The following RBFOX3 variants were observed in gnomAD, a reference collection of about 807,000 sequenced individuals.
RBFOX3 encodes RNA binding fox-1 homolog 3.
Under a neutral mutation model 48.7 loss-of-function variants are expected in RBFOX3, and 17 were observed. The ratio of observed to expected loss-of-function variants is 0.35; its 90% confidence interval spans 0.24 to 0.52. The LOEUF is 0.52. Ranked by LOEUF, RBFOX3 falls within the 20% of genes least tolerant of loss-of-function variation. The pLI is 0.94. For synonymous variants in RBFOX3, 212 were observed against 209.5 expected, an observed-to-expected ratio of 1.01 and a Z score of -0.10; for missense variants, 382 against 497.5, an observed-to-expected ratio of 0.77 and a Z score of 2.21.
the RBFOX3 span, among the ~76,000 whole-genome samples, chr17:79,663,950 C>G: frequency 6.6e-6 from 1 of 152,078 alleles, no homozygotes; most frequent in Non-Finnish European, 1.5e-5. Context: ...AACTTGAAAT[C>G]CAGAAAGGAC....
chr17:79,260,937 C>T (rs2065657088), intron 3 of RBFOX3, among the ~76,000 whole-genome samples: 1 of 152,178 alleles, frequency 6.6e-6, no homozygotes, highest in African/African-American at 2.4e-5. Flanking sequence ...GCACACTCCA[C>T]CCAGGGCCTT....
chr17:79,463,858 C>G (rs1401496947), intron 2 of RBFOX3, among the ~76,000 whole-genome samples: 1 of 148,570 alleles, frequency 6.7e-6, no homozygotes, highest in Non-Finnish European at 1.5e-5. Context: ...CCACTGCCAC[C>G]TCCCCATCGC....
chr17:79,149,075 T>C (rs2043708131), intron 4 of RBFOX3, among the ~76,000 whole-genome samples: 1 of 152,162 alleles, frequency 6.6e-6, no homozygotes, highest in Non-Finnish European at 1.5e-5. Context: ...AACAGCGCAC[T>C]CTAAAGCTTA....
At position 79,097,415 on chromosome 17, in the gene RBFOX3, A is replaced by T; in HGVS notation, c.632T>A (p.Phe211Tyr). The change falls in exon 11 of 15, where the codon TTC becomes TAC. Residue 211 changes from phenylalanine (F) to tyrosine (Y), a missense_variant. Physicochemically the swap from Phe to Tyr is conservative, Grantham distance 22. Coordinates refer to ENST00000693108, the MANE Select transcript of RBFOX3 (RefSeq NM_001350451.2). ...GGCTGTGCCGGTGGTGGGGTAGGGG[A>T]ACCCCGTCACTGCAGGAAACGGGGC... is the stretch of plus-strand genomic sequence containing the variant. Reference protein sequence around the residue: ...YGPEFYAVTGFPYPTTGTAVA... With the variant: ...YGPEFYAVTGYPYPTTGTAVA... 6.5e-7 allele frequency: 1 copy of T among 1,545,574 alleles called. No individual in the cohort carries two copies. Among genetic ancestry groups the T allele is most frequent in the Non-Finnish European group, 8.7e-7 (1 of 1,144,738 alleles).
At chr17:79,499,832 T>C (rs2082140923) in intron 1 of RBFOX3, among the ~76,000 whole-genome samples, 1 of 152,216 alleles carries the variant, frequency 6.6e-6, no homozygotes, top group South Asian at 2.1e-4. Context: ...ATCATCAGAA[T>C]TGGCCACCCT....
rs1446823826 is a variant in RBFOX3 at position 79,205,155 on chromosome 17, C to T, written c.-34+30611G>A. Among the ~76,000 whole-genome samples the T allele has an allele frequency of 1.3e-5, 2 of 152,104 alleles. No individual in the cohort carries two copies. The highest frequency in any genetic ancestry group is 3.8e-4 in the East Asian group (2 of 5,202). On this transcript the variant is annotated intron_variant, in intron 4 of 14. Coordinates refer to ENST00000693108, the MANE Select transcript of RBFOX3 (RefSeq NM_001350451.2). This position sits in a 1 kb window ranked among gnomAD's most constrained non-coding sequence, Gnocchi z 4.5. ...ATAATGATAGCATCCCCATCCTTCC[C>T]CAGATGGACCTGTGGATACTTGCCA...
At chr17:79,274,580 C>T (rs549591194) in intron 3 of RBFOX3, among the ~76,000 whole-genome samples, 22 of 152,084 alleles carry the variant, frequency 1.4e-4, no homozygotes, top group Non-Finnish European at 2.5e-4. Context: ...TGTTCCTGGT[C>T]GTGGGGCTCA....
At position 79,581,341 on chromosome 17, in the gene RBFOX3, C is replaced by G. The variant is rs1180492369; in HGVS notation, c.-320+29485G>C. 5.3e-5 allele frequency among the ~76,000 whole-genome samples: 8 copies of G among 152,324 alleles called. No individual in the cohort carries two copies. In the East Asian group the frequency reaches 5.8e-4, roughly 11 times the overall value. Reference sequence around the variant, plus strand: ...GGAAGCCTCCGGGCTTTTGCAGAAACAAGAAGGAAGACTTCCCCTCGGGCT... The same window carrying G: ...GGAAGCCTCCGGGCTTTTGCAGAAAGAAGAAGGAAGACTTCCCCTCGGGCT... On this transcript the variant is annotated intron_variant, in intron 1 of 14. Transcript: ENST00000693108.
chr17:79,166,660 A>G (rs1050761350), intron 4 of RBFOX3, among the ~76,000 whole-genome samples: 2 of 151,670 alleles, frequency 1.3e-5, no homozygotes, highest in African/African-American at 4.8e-5. Context: ...CTTGACCCTC[A>G]CCATCCACCT....
At chr17:79,120,797 A>G (rs572901959) in intron 4 of RBFOX3, among the ~76,000 whole-genome samples, 1 of 152,088 alleles carries the variant, frequency 6.6e-6, no homozygotes, top group Admixed American at 6.5e-5. Flanking sequence ...TTTAAAGACC[A>G]TGGATAAGTT....
chr17:79,094,577 G>A, intron 13 of RBFOX3, 48 bp from the exon 14 acceptor site: 1 of 573,708 alleles, frequency 1.7e-6, no homozygotes, highest in Non-Finnish European at 2.8e-6. Context: ...GGGGGAGGGG[G>A]GCAGGTGAGG....
At chr17:79,627,129 A>C in the RBFOX3 span, among the ~76,000 whole-genome samples, 5 of 152,208 alleles carry the variant, frequency 3.3e-5, no homozygotes, top group African/African-American at 1.2e-4. Flanking sequence ...TGGGGACTGC[A>C]GGAGCCCTGG....
At chr17:79,537,117 C>CAA (rs76938800) in intron 1 of RBFOX3, among the ~76,000 whole-genome samples, 2 of 127,668 alleles carry the variant, frequency 1.6e-5, no homozygotes. Flanking sequence ...AAACAAAAAA[C>CAA]AAAAAAAAAA....
chr17:79,187,311 C>T (rs1025265536), intron 4 of RBFOX3, among the ~76,000 whole-genome samples: 1 of 152,200 alleles, frequency 6.6e-6, no homozygotes, highest in Non-Finnish European at 1.5e-5. Context: ...CCTCTTTCCC[C>T]TTCCAGGCGC....
At chr17:79,588,569 A>AC (rs1172942643) in intron 1 of RBFOX3, among the ~76,000 whole-genome samples, 1 of 151,840 alleles carries the variant, frequency 6.6e-6, no homozygotes, top group Non-Finnish European at 1.5e-5. Flanking sequence ...CCCACCCCAC[A>AC]CCCCCTTCAC....
chr17:79,509,507 AGT>A lies in RBFOX3; in HGVS notation c.-319-26911_-319-26910del, dbSNP rs1194009858. 7.7e-3 allele frequency among the ~76,000 whole-genome samples: 1,169 copies of A among 152,216 alleles called. 20 individuals are homozygous for A. Among genetic ancestry groups the A allele is most frequent in the African/African-American group, 0.027 (1,126 of 41,530 alleles). On this transcript the variant is annotated intron_variant, in intron 1 of 14. Transcript: ENST00000693108. Reference sequence around the variant, plus strand: ...CCGATGCTCAGGCCGACGGAGTCTGAGTCCAGGGCAGGCAGGCACTTGTATCG... The same window carrying A: ...CCGATGCTCAGGCCGACGGAGTCTGACCAGGGCAGGCAGGCACTTGTATCG...
In RBFOX3 at chr17:79,423,333, T is replaced by G. The variant is rs1392516466; in HGVS notation, c.-175+59121A>C. Among the ~76,000 whole-genome samples the G allele has an allele frequency of 2.6e-5, 4 of 152,150 alleles. No homozygotes were observed. The highest frequency in any genetic ancestry group is 7.2e-5 in the African/African-American group (3 of 41,436). On this transcript the variant is annotated intron_variant, in intron 2 of 14. Transcript: ENST00000693108. The surrounding 1 kb of genome is among the most constrained non-coding windows in gnomAD (Gnocchi z 4.9). ...ACCAGGATGCCAGGAGCCAGGATGA[T>G]TCTGCTTTCAATGCTTGTGCAGATC...
In RBFOX3 at chr17:79,249,124, A is replaced by T. The variant is rs749045002; in HGVS notation, c.-73-13319T>A. Among the ~76,000 whole-genome samples, 8 of 152,176 alleles carry T rather than the reference A, an allele frequency of 5.3e-5. No homozygotes were observed. The highest frequency in any genetic ancestry group is 5.9e-5 in the Non-Finnish European group (4 of 68,030). On this transcript the variant is annotated intron_variant, in intron 3 of 14. Coordinates refer to ENST00000693108, the MANE Select transcript of RBFOX3 (RefSeq NM_001350451.2). The surrounding 1 kb of genome is among the most constrained non-coding windows in gnomAD (Gnocchi z 4.1). ...CAGCTGACAAAGGACTCCTGAGGCC[A>T]CTAACCCTTCCAAGCCCTGCAAAAC...
In RBFOX3 at chr17:79,363,430, C is replaced by T. The variant is rs1419224665; in HGVS notation, c.-174-55606G>A. ...GGGCTAAGGTGTTCCCAGGCCTGGT[C>T]ACCTCCACCCCAGACTTCCAAACTC... On this transcript the variant is annotated intron_variant, in intron 2 of 14. Coordinates refer to ENST00000693108, the MANE Select transcript of RBFOX3 (RefSeq NM_001350451.2). The surrounding 1 kb of genome is among the most constrained non-coding windows in gnomAD (Gnocchi z 4.7). 6.6e-6 allele frequency among the ~76,000 whole-genome samples: 1 copy of T among 152,022 alleles called. No individual in the cohort carries two copies. The highest frequency in any genetic ancestry group is 6.5e-5 in the Admixed American group (1 of 15,270).
Sources: gnomAD v4.1 joint callset for allele counts (sites outside exome capture counted in the v4.1 genomes callset) on GRCh38, gnomAD v4.1.1 for gene constraint, Gnocchi (gnomAD v3.1) non-coding constraint, MANE v1.5 for transcripts, NCBI Gene and HGNC (gene_info 2026-07-23, HGNC 2026-07-21) for gene names.